The following RSF1 variants were observed in gnomAD, a reference collection of about 807,000 sequenced individuals.
The protein encoded by RSF1 is remodeling and spacing factor 1.
A neutral mutation model predicts 145.2 loss-of-function variants in RSF1; 13 were observed. The observed-to-expected ratio is 0.09, with a 90% confidence interval of 0.06 to 0.14. The LOEUF is 0.14. RSF1 is among the 10% of genes least tolerant of loss of function. The pLI, the probability that RSF1 is intolerant of heterozygous loss-of-function variation, is 1.00. For synonymous variants in RSF1, 577 were observed against 592.6 expected (o/e 0.97, Z 0.38); for missense variants, 1,517 against 1,718.2 (o/e 0.88, Z 2.07).
At chr11:77,688,543 A>G (rs939635187) in intron 9 of RSF1, among the ~76,000 whole-genome samples, 1 of 152,236 alleles carries the variant, frequency 6.6e-6, no homozygotes, top group Non-Finnish European at 1.5e-5. Context: ...AAATAGTCCT[A>G]GTAATTTCAT....
chr11:77,732,345 A>C (rs918949134), intron 4 of RSF1, among the ~76,000 whole-genome samples: 14 of 152,176 alleles, frequency 9.2e-5, no homozygotes, highest in African/African-American at 3.4e-4. Flanking sequence ...TTACAGTCTC[A>C]CAGGAAGAAG....
intron 3 of RSF1, among the ~76,000 whole-genome samples, chr11:77,742,938 C>T (rs563955628): frequency 2.6e-5 from 4 of 152,184 alleles, no homozygotes; most frequent in Non-Finnish European, 5.9e-5. Context: ...AGATAAGGGT[C>T]TAATTTCATT....
rs183024467 is a variant in RSF1 at position 77,796,090 on chromosome 11, C to T, written c.187+24438G>A. On this transcript the variant is annotated intron_variant, in intron 1 of 15. Transcript: ENST00000308488. ...CGTTTCTTCTTGTGTCTATTTGATT[C>T]TTCTCTCTTTTCTTTTTTATTAGTA... Among the ~76,000 whole-genome samples the T allele has an allele frequency of 4.1e-3, 628 of 152,124 alleles. 2 individuals carry two copies. The highest frequency in any genetic ancestry group is 7.0e-3 in the Non-Finnish European group (473 of 67,976).
chr11:77,810,726 A>C (rs1356658263), intron 1 of RSF1, among the ~76,000 whole-genome samples: 1 of 152,046 alleles, frequency 6.6e-6, no homozygotes, highest in Non-Finnish European at 1.5e-5. Context: ...ACATCCAACT[A>C]ATTTGTATTT....
At chr11:77,786,443 G>C (rs1948457591) in intron 1 of RSF1, among the ~76,000 whole-genome samples, 1 of 152,028 alleles carries the variant, frequency 6.6e-6, no homozygotes, top group Admixed American at 6.6e-5. Flanking sequence ...TGGAGCCTTG[G>C]ACACCTTTTC....
At chr11:77,793,846 C>T (rs77678183) in intron 1 of RSF1, among the ~76,000 whole-genome samples, 40 of 152,180 alleles carry the variant, frequency 2.6e-4, no homozygotes, top group African/African-American at 9.6e-4. Flanking sequence ...AGAGTAGCTG[C>T]GCTCTCCTGA....
At chr11:77,830,987 CAAAAA>C in the RSF1 span, among the ~76,000 whole-genome samples, 70 of 100,514 alleles carry the variant, frequency 7.0e-4, no homozygotes, top group East Asian at 5.8e-3. Context: ...CAAAATATAC[CAAAAA>C]AAAAAAAAAA....
intron 2 of RSF1, 56 bp downstream of exon 2, chr11:77,764,542 T>A: frequency 1.0e-6 from 1 of 981,032 alleles, no homozygotes; most frequent in Non-Finnish European, 1.6e-6. Context: ...ATAATATCAA[T>A]TTATGCTAGA....
At chr11:77,672,627 C>T (rs1959587040) in intron 14 of RSF1, among the ~76,000 whole-genome samples, 1 of 151,806 alleles carries the variant, frequency 6.6e-6, no homozygotes, top group African/African-American at 2.4e-5. Flanking sequence ...AATGCCAAAC[C>T]TCACAATATA....
At chr11:77,759,045 C>T (rs1948144598) in intron 2 of RSF1, among the ~76,000 whole-genome samples, 1 of 152,060 alleles carries the variant, frequency 6.6e-6, no homozygotes. Flanking sequence ...TGAAGATTTC[C>T]CTTTATTTTT....
chr11:77,786,797 GACTGAAACA>G (rs1948461113), intron 1 of RSF1, among the ~76,000 whole-genome samples: 1 of 152,144 alleles, frequency 6.6e-6, no homozygotes, highest in Non-Finnish European at 1.5e-5. Flanking sequence ...AAGTTTACCT[GACTGAAACA>G]ACTAAACGAC....
intron 3 of RSF1, among the ~76,000 whole-genome samples, chr11:77,745,010 C>G (rs1454970916): frequency 6.6e-6 from 1 of 152,100 alleles, no homozygotes; most frequent in Non-Finnish European, 1.5e-5. Context: ...TTTTCTATTT[C>G]TTCGTAATTC....
chr11:77,867,734 A>C, the RSF1 span, among the ~76,000 whole-genome samples: 1 of 152,226 alleles, frequency 6.6e-6, no homozygotes, highest in Non-Finnish European at 1.5e-5. Flanking sequence ...CTTTGCTGAC[A>C]CAGAGGTAGT....
intron 5 of RSF1, among the ~76,000 whole-genome samples, chr11:77,714,302 G>A (rs1001701657): frequency 3.9e-5 from 6 of 152,078 alleles, no homozygotes; most frequent in Admixed American, 6.6e-5. Context: ...TTGTCTATAC[G>A]TTTTTGTTGT....
chr11:77,781,218 A>G (rs757260580), intron 1 of RSF1, among the ~76,000 whole-genome samples: 4 of 152,004 alleles, frequency 2.6e-5, no homozygotes, highest in Admixed American at 6.6e-5. Context: ...CTCCTGCCTC[A>G]GCCCCGAGTA....
chr11:77,823,567 T>G (rs555375951), upstream of RSF1, among the ~76,000 whole-genome samples: 155 of 124,722 alleles, frequency 1.2e-3, no homozygotes, highest in Non-Finnish European at 2.1e-3. Context: ...TCATCTGTAA[T>G]CCCATGTAGT....
At chr11:77,770,136 T>C (rs144148220) in intron 1 of RSF1, among the ~76,000 whole-genome samples, 220 of 152,310 alleles carry the variant, frequency 1.4e-3, no homozygotes, top group Middle Eastern at 6.8e-3. Context: ...CTCAAGACTA[T>C]GAACTGTAAC....
chr11:77,726,341 C>CA (rs1961053032), intron 4 of RSF1, among the ~76,000 whole-genome samples: 1 of 152,172 alleles, frequency 6.6e-6, no homozygotes, highest in Non-Finnish European at 1.5e-5. Flanking sequence ...CTCACTTTGT[C>CA]ATCCAGGCTG....
At chr11:77,697,901 A>T (rs1389518153) in intron 7 of RSF1, among the ~76,000 whole-genome samples, 3 of 152,164 alleles carry the variant, frequency 2.0e-5, no homozygotes, top group African/African-American at 7.2e-5. Context: ...CTACTACATT[A>T]TTACTTGACT....
Sources: allele counts gnomAD v4.1 joint callset (sites outside exome capture counted in the v4.1 genomes callset), GRCh38; gene constraint gnomAD v4.1.1; transcripts MANE v1.5; gene names NCBI Gene and HGNC (gene_info 2026-07-23, HGNC 2026-07-21).